CIMIP5: variants seen among roughly 807,000 people sequenced by gnomAD.
CIMIP5 encodes the protein uncharacterized protein C2orf50.
chr2:11,133,462 C>T, the CIMIP5 span: 2 of 1,609,272 alleles, frequency 1.2e-6, no homozygotes, highest in East Asian at 2.2e-5. Context: ...AGGGGTCTTG[C>T]TGGTGGCTGC....
At chr2:11,141,435 C>T in the CIMIP5 span, among the ~76,000 whole-genome samples, 4 of 152,106 alleles carry the variant, frequency 2.6e-5, no homozygotes, top group African/African-American at 9.7e-5. Context: ...GCCCCCACAA[C>T]ACTCTTTTAT....
At chr2:11,154,222 C>T in the CIMIP5 span, among the ~76,000 whole-genome samples, 22 of 152,354 alleles carry the variant, frequency 1.4e-4, no homozygotes, top group African/African-American at 5.3e-4. Flanking sequence ...AAGCAATCTT[C>T]CCGCTTCGCG....
At chr2:11,148,732 C>CTTTTTTTTTTTTTTTTTT in the CIMIP5 span, among the ~76,000 whole-genome samples, 7 of 35,552 alleles carry the variant, frequency 2.0e-4, 1 homozygote, top group African/African-American at 3.3e-4. Flanking sequence ...AATGAAAACT[C>CTTTTTTTTTTTTTTTTTT]TTTTTTTTTT....
chr2:11,133,392 C>G, the CIMIP5 span: 1 of 1,611,888 alleles, frequency 6.2e-7, no homozygotes, highest in South Asian at 1.1e-5. Context: ...GTACCGATTG[C>G]CCCCCACCAG....
the CIMIP5 span, among the ~76,000 whole-genome samples, chr2:11,142,266 CAA>C: frequency 0.13 from 11,093 of 84,490 alleles, 1,264 homozygotes; most frequent in African/African-American, 0.36. Context: ...AATTCAGTCT[CAA>C]AAAAAAAAAA....
At chr2:11,146,924 CAAA>C in the CIMIP5 span, 8 of 152,396 alleles carry the variant, frequency 5.2e-5, no homozygotes, top group Admixed American at 1.3e-4. Context: ...TTCTCACACT[CAAA>C]ATAAAGAAGA....
At chr2:11,148,284 AT>A in the CIMIP5 span, among the ~76,000 whole-genome samples, 2 of 151,938 alleles carry the variant, frequency 1.3e-5, no homozygotes, top group Admixed American at 1.3e-4. Context: ...CACCCGGCTA[AT>A]TTTGCATTTT....
the CIMIP5 span, among the ~76,000 whole-genome samples, chr2:11,135,084 G>A: frequency 5.3e-4 from 80 of 152,254 alleles, no homozygotes; most frequent in Non-Finnish European, 1.0e-3. Context: ...AACTAATAGA[G>A]CAAGAGCTCA....
At chr2:11,147,209 C>T in the CIMIP5 span, among the ~76,000 whole-genome samples, 2 of 152,130 alleles carry the variant, frequency 1.3e-5, no homozygotes, top group South Asian at 2.1e-4. Context: ...GAAACTAAGC[C>T]GAACACTTCA....
the CIMIP5 span, chr2:11,140,439 G>T: frequency 8.1e-6 from 8 of 989,000 alleles, no homozygotes; most frequent in South Asian, 1.8e-5. Flanking sequence ...GCATTGACTT[G>T]ACACAGTGAA....
chr2:11,133,281 G>GTCTCTC, the CIMIP5 span: 13,920 of 1,459,736 alleles, frequency 9.5e-3, 653 homozygotes, highest in African/African-American at 0.17. Context: ...TCAGGCACAG[G>GTCTCTC]TCTCTCTCTC....
chr2:11,141,456 G>A, the CIMIP5 span, among the ~76,000 whole-genome samples: 1 of 151,972 alleles, frequency 6.6e-6, no homozygotes, highest in Non-Finnish European at 1.5e-5. Flanking sequence ...CTATGCCTTT[G>A]GGCATGCTCG....
the CIMIP5 span, chr2:11,146,396 T>C: frequency 6.6e-6 from 1 of 152,192 alleles, no homozygotes; most frequent in Admixed American, 6.5e-5. Flanking sequence ...TAATCCTCAA[T>C]GAATTGATTC....
the CIMIP5 span, among the ~76,000 whole-genome samples, chr2:11,148,732 C>CTTTTTTTTTTTTTT: frequency 5.9e-4 from 21 of 35,552 alleles, no homozygotes; most frequent in African/African-American, 1.1e-3. Context: ...AATGAAAACT[C>CTTTTTTTTTTTTTT]TTTTTTTTTT....
the CIMIP5 span, among the ~76,000 whole-genome samples, chr2:11,152,966 A>G: frequency 2.0e-5 from 3 of 152,220 alleles, no homozygotes; most frequent in Admixed American, 1.3e-4. Context: ...GGGAATGACC[A>G]TATACGTTGA....
the CIMIP5 span, chr2:11,146,670 C>T: frequency 6.6e-6 from 1 of 152,250 alleles, no homozygotes; most frequent in East Asian, 1.9e-4. Context: ...CCCAACCCTT[C>T]CTACTTGGAT....
chr2:11,141,582 C>G, the CIMIP5 span, among the ~76,000 whole-genome samples: 5 of 152,206 alleles, frequency 3.3e-5, no homozygotes, highest in African/African-American at 4.8e-5. Flanking sequence ...GCAGGCTTGA[C>G]CAGATCACTC....
At chr2:11,154,484 A>G in the CIMIP5 span, among the ~76,000 whole-genome samples, 1 of 152,216 alleles carries the variant, frequency 6.6e-6, no homozygotes, top group African/African-American at 2.4e-5. Flanking sequence ...GCACAAAACC[A>G]GGGATCGTGG....
chr2:11,148,654 TTAATAA>T, the CIMIP5 span, among the ~76,000 whole-genome samples: 2 of 150,978 alleles, frequency 1.3e-5, no homozygotes, highest in African/African-American at 4.9e-5. Flanking sequence ...CCAAATAACA[TTAATAA>T]TAATAACAAT....
Sources: allele counts gnomAD v4.1 joint callset (sites outside exome capture counted in the v4.1 genomes callset), GRCh38; gene constraint gnomAD v4.1.1; transcripts MANE v1.5; gene names NCBI Gene and HGNC (gene_info 2026-07-23, HGNC 2026-07-21).